TCEAL4: variants seen among roughly 807,000 people sequenced by gnomAD.
The protein encoded by TCEAL4 is transcription elongation factor A like 4.
Under a neutral mutation model 1.3 loss-of-function variants are expected in TCEAL4, and 1 was observed. That is an observed-to-expected ratio of 0.79 (90% CI 0.28 to 3.76). The LOEUF is 3.76. Ranked by LOEUF, TCEAL4 falls within the 30% of genes most tolerant of loss-of-function variation. The pLI is 0.18. For synonymous variants in TCEAL4, 54 were observed against 50.7 expected (o/e 1.06, Z -0.28); for missense variants, 129 against 154.7 (o/e 0.83, Z 0.88).
chrX:103,581,941 G>C (rs762014404), upstream of TCEAL4, among the ~76,000 whole-genome samples: 1 of 111,889 alleles, frequency 8.9e-6, no homozygotes, highest in East Asian at 2.8e-4. Flanking sequence ...AATAGGAAGA[G>C]AGGTAGTCAA....
upstream of TCEAL4, among the ~76,000 whole-genome samples, chrX:103,581,041 A>G (rs1432848866): frequency 8.9e-6 from 1 of 112,064 alleles, no homozygotes; most frequent in East Asian, 2.8e-4. Context: ...CAGAAATGAT[A>G]GGGGGATATC....
At chrX:103,586,543 C>T in intron 2 of TCEAL4, 106 bp from the exon 3 acceptor site, 1 of 1,022,927 alleles carries the variant, frequency 9.8e-7, no homozygotes, top group Non-Finnish European at 1.3e-6. Context: ...GGGGAACCCT[C>T]ATCAGGGGTG....
At chrX:103,576,466 C>A (rs2073483945) in exon 1 of TCEAL4, 1 of 1,164,553 alleles carries the variant, frequency 8.6e-7, no homozygotes, top group African/African-American at 1.8e-5. Context: ...ATGCTGAGGT[C>A]AAGATGCCAG....
At chrX:103,583,681 A>C (rs2147620245), upstream of TCEAL4, among the ~76,000 whole-genome samples, 1 of 111,636 alleles carries the variant, frequency 9.0e-6, no homozygotes, top group South Asian at 3.8e-4. Context: ...CATGTCAGGG[A>C]ACAACACACA....
At chrX:103,584,722 G>A (rs924217152), upstream of TCEAL4, among the ~76,000 whole-genome samples, 2 of 112,437 alleles carry the variant, frequency 1.8e-5, no homozygotes, top group Non-Finnish European at 3.8e-5. Context: ...GAGATTCAAA[G>A]ACAGGCAGGG....
chrX:103,585,435 T>C (rs2073530929), upstream of TCEAL4: 1 of 1,048,117 alleles, frequency 9.5e-7, no homozygotes, highest in African/African-American at 2.0e-5. Flanking sequence ...GCTGGAGAGG[T>C]GGTGGGTGGC....
At chrX:103,583,602 T>C (rs768509220), upstream of TCEAL4, among the ~76,000 whole-genome samples, 1 of 112,149 alleles carries the variant, frequency 8.9e-6, no homozygotes, top group South Asian at 3.7e-4. Context: ...CTCAGCAAAC[T>C]AATGCAGGAA....
Sources: allele counts gnomAD v4.1 joint callset (sites outside exome capture counted in the v4.1 genomes callset), GRCh38; gene constraint gnomAD v4.1.1; transcripts MANE v1.5; gene names NCBI Gene and HGNC (gene_info 2026-07-23, HGNC 2026-07-21).